CCDC88C: variants seen among roughly 807,000 people sequenced by gnomAD.
The protein encoded by CCDC88C is protein Daple.
CCDC88C carries 131 observed loss-of-function variants against 198.8 expected under a neutral mutation model. That is an observed-to-expected ratio of 0.66 (90% confidence interval 0.57 to 0.76). The LOEUF is 0.76. Ranked by LOEUF, CCDC88C falls within the 30% of genes least tolerant of loss-of-function variation. CCDC88C has a pLI of 0.00. For missense variants in CCDC88C, 2,553 were observed against 2,631.6 expected, an observed-to-expected ratio of 0.97 and a Z score of 0.65; for synonymous variants, 1,166 against 1,114.7, an observed-to-expected ratio of 1.05 and a Z score of -0.92.
At chr14:91,304,073 C>A (rs1296370960) in intron 19 of CCDC88C, 95 bp from the exon 20 acceptor site, 27 of 1,435,486 alleles carry the variant, frequency 1.9e-5, no homozygotes, top group Non-Finnish European at 2.5e-5. Context: ...ACGAAAATAG[C>A]CGGGACCCTC....
intron 12 of CCDC88C, 116 bp downstream of exon 12, chr14:91,324,663 G>A (rs987829610): frequency 5.4e-5 from 70 of 1,293,384 alleles, no homozygotes; most frequent in Non-Finnish European, 6.9e-5. Context: ...AGGAAATCAT[G>A]TTTGCCTGGG....
chr14:91,331,541 C>T lies in CCDC88C; in HGVS notation c.1051-5485G>A, dbSNP rs535356983. Among the ~76,000 whole-genome samples, 9 of 143,606 alleles carry T rather than the reference C, an allele frequency of 6.3e-5. No homozygotes were observed. In the East Asian group the frequency reaches 8.8e-4, roughly 14 times the overall value. 94.2% of individuals were successfully genotyped at this position (143,606 alleles called of 152,430 possible). Reference sequence around the variant, plus strand: ...ATGTGCACACGTGTGTGTGCGCGTGCGAGAGAGAGGAGAGAGAAAGACAGA... The same window carrying T: ...ATGTGCACACGTGTGTGTGCGCGTGTGAGAGAGAGGAGAGAGAAAGACAGA... On this transcript the variant is annotated intron_variant, in intron 10 of 29. Transcript: ENST00000389857.
intron 23 of CCDC88C, among the ~76,000 whole-genome samples, chr14:91,293,346 G>A (rs1362214341): frequency 1.1e-4 from 10 of 92,248 alleles, no homozygotes; most frequent in Admixed American, 1.2e-4. Context: ...TCACCTTCCT[G>A]TCCCCTCGCC....
intron 3 of CCDC88C, among the ~76,000 whole-genome samples, chr14:91,404,937 G>C (rs916120249): frequency 3.5e-4 from 52 of 150,156 alleles, no homozygotes; most frequent in African/African-American, 1.2e-3. Context: ...TGCACTCCAG[G>C]CTGGGCGACA....
chr14:91,393,009 G>A (rs1204473777), intron 3 of CCDC88C, among the ~76,000 whole-genome samples: 5 of 152,164 alleles, frequency 3.3e-5, no homozygotes, highest in African/African-American at 4.8e-5. Flanking sequence ...GCAAGGACAG[G>A]ACGTGTGAGG....
rs118020353 is a variant in CCDC88C at position 91,380,092 on chromosome 14, C to T, written c.271-20381G>A. ...GCAGGGTCCTGAGACAGTCAGGGTC[C>T]CTCCCCCACCTCATTCATTTCCTCA... On this transcript the variant is annotated intron_variant, in intron 3 of 29. Coordinates refer to ENST00000389857, the MANE Select transcript of CCDC88C (RefSeq NM_001080414.4). Among the ~76,000 whole-genome samples, 1,113 of 152,184 alleles carry T rather than the reference C, an allele frequency of 7.3e-3. 15 individuals are homozygous for T. Among genetic ancestry groups the T allele is most frequent in the Admixed American group, 0.011 (163 of 15,286 alleles).
intron 10 of CCDC88C, among the ~76,000 whole-genome samples, chr14:91,335,008 T>C (rs1892990207): frequency 6.6e-6 from 1 of 152,184 alleles, no homozygotes; most frequent in Admixed American, 6.5e-5. Context: ...GGGTCTCCAA[T>C]GCAGCAGAGC....
chr14:91,301,454 G>A (rs538354901), intron 20 of CCDC88C, among the ~76,000 whole-genome samples: 3 of 152,230 alleles, frequency 2.0e-5, no homozygotes, highest in East Asian at 3.8e-4. Context: ...GGTGGCTCAC[G>A]CCTATAATCC....
chr14:91,281,170 C>T (rs974394995), intron 27 of CCDC88C: 6 of 639,452 alleles, frequency 9.4e-6, no homozygotes, highest in African/African-American at 9.1e-5. Flanking sequence ...ACCTGGGCCA[C>T]CGGAACTTCC....
At chr14:91,342,141 G>C (rs1893337065) in intron 6 of CCDC88C, 1 of 413,068 alleles carries the variant, frequency 2.4e-6, no homozygotes, top group Non-Finnish European at 4.3e-6. Flanking sequence ...AAGATGACTT[G>C]ATTGAGGTGT....
At position 91,412,725 on chromosome 14, in the gene CCDC88C, G is replaced by A. The variant is rs1056954734; in HGVS notation, c.162-3958C>T. The stretch of plus-strand genomic sequence containing the variant: ...GCTGGCATTACAGGCGTGAGCCACC[G>A]TGCCCAGCCTGTTTGTATAATTTTT... On this transcript the variant is annotated intron_variant, in intron 2 of 29. Transcript: ENST00000389857. Among the ~76,000 whole-genome samples the A allele has an allele frequency of 9.2e-5, 14 of 152,216 alleles. No individual in the cohort carries two copies. The East Asian group carries it at 1.9e-3, about 21-fold the overall frequency.
Position 91,307,141 on chromosome 14 carries a change from G to A in CCDC88C, c.3092C>T (p.Thr1031Ile), listed in dbSNP as rs763444974. 43 of 1,613,862 alleles carry A rather than the reference G, an allele frequency of 2.7e-5. No individual in the cohort carries two copies. In the South Asian group the frequency reaches 4.4e-4, roughly 16 times the overall value. ...QNSFKHPAGKTAASHQGKEAW... is the reference protein window; with the variant it reads ...QNSFKHPAGKIAASHQGKEAW... ...CTCCTTCCCCTGGTGACTGGCGGCT[G>A]TCTTCCCCGCAGGGTGCTTGAAAGA... Residue 1031 changes from threonine (T) to isoleucine (I), a missense_variant, in exon 18 of 30, where the codon ACA becomes ATA. Transcript: ENST00000389857.
chr14:91,373,256 C>A (rs1010186810), intron 3 of CCDC88C, among the ~76,000 whole-genome samples: 1 of 152,110 alleles, frequency 6.6e-6, no homozygotes, highest in Non-Finnish European at 1.5e-5. Flanking sequence ...GATACCAGTG[C>A]CCTATGGTGG....
intron 3 of CCDC88C, among the ~76,000 whole-genome samples, chr14:91,407,857 A>G (rs1886587897): frequency 6.7e-6 from 1 of 149,170 alleles, no homozygotes; most frequent in Non-Finnish European, 1.5e-5. Flanking sequence ...ACCTTGGCTC[A>G]CTGCAACCTC....
At chr14:91,310,009 C>G in intron 15 of CCDC88C, 23 bp from the exon 16 acceptor site, 1 of 1,568,666 alleles carries the variant, frequency 6.4e-7, no homozygotes, top group Non-Finnish European at 8.7e-7. Flanking sequence ...GGAGAGAGCA[C>G]TGGATAGGAG....
chr14:91,289,184 CTGTGATCTGAGCGGCT>C lies in CCDC88C; in HGVS notation c.4346_4361del (p.Gln1449ArgfsTer32). On this transcript the variant is annotated frameshift_variant, in exon 25 of 30. Transcript: ENST00000389857. LOFTEE classifies it high-confidence loss of function. ...GTGCGGGGGTGTCGGGGTTCTCGGC[CTGTGATCTGAGCGGCT>C]GAGAGGCCGCCGGCGAGGCGGGGTC... 1 of 1,613,960 alleles carries C rather than the reference CTGTGATCTGAGCGGCT, an allele frequency of 6.2e-7. No homozygotes were observed. Among genetic ancestry groups the C allele is most frequent in the Non-Finnish European group, 8.5e-7 (1 of 1,179,888 alleles).
intron 3 of CCDC88C, among the ~76,000 whole-genome samples, chr14:91,400,112 A>C (rs2139998980): frequency 6.6e-6 from 1 of 151,944 alleles, no homozygotes; most frequent in Admixed American, 6.6e-5. Flanking sequence ...TGTCCTGCGT[A>C]CACAGGTGTT....
intron 3 of CCDC88C, among the ~76,000 whole-genome samples, chr14:91,386,003 C>T (rs1476960885): frequency 6.6e-6 from 1 of 152,064 alleles, no homozygotes. Flanking sequence ...ACTCACTAGC[C>T]ATGTGTGACC....
At chr14:91,283,926 A>C (rs1890303130) in intron 25 of CCDC88C, among the ~76,000 whole-genome samples, 1 of 152,232 alleles carries the variant, frequency 6.6e-6, no homozygotes, top group Non-Finnish European at 1.5e-5. Flanking sequence ...GAGGATCCGA[A>C]GGTCCTGCTA....
Sources: allele counts gnomAD v4.1 joint callset (sites outside exome capture counted in the v4.1 genomes callset), GRCh38; gene constraint gnomAD v4.1.1; transcripts MANE v1.5; gene names NCBI Gene and HGNC (gene_info 2026-07-23, HGNC 2026-07-21).